AFF3: variants seen among roughly 807,000 people sequenced by gnomAD.
AFF3 encodes the protein ALF transcription elongation factor 3, also known as AF4/FMR2 family member 3.
In AFF3, 32 loss-of-function variants were observed where a neutral mutation model predicts 129.7. The ratio of observed to expected loss-of-function variants is 0.25; its 90% CI spans 0.19 to 0.33. The LOEUF is 0.33. Ranked by LOEUF, AFF3 falls within the 10% of genes least tolerant of loss-of-function variation. The pLI is 1.00. For synonymous variants in AFF3, 644 were observed against 635.4 expected (o/e 1.01, Z -0.20); for missense variants, 1,373 against 1,592.0 (o/e 0.86, Z 2.34).
At chr2:99,714,138 A>C (rs148655101) in intron 11 of AFF3, among the ~76,000 whole-genome samples, 1,544 of 152,266 alleles carry the variant, frequency 0.01, 30 homozygotes, top group African/African-American at 0.035. Flanking sequence ...CCTGTGTTTT[A>C]GTGTTTTATT....
chr2:99,683,036 C>A (rs1042822846), intron 11 of AFF3, among the ~76,000 whole-genome samples: 1 of 152,194 alleles, frequency 6.6e-6, no homozygotes, highest in African/African-American at 2.4e-5. Context: ...CTTCCCTGGC[C>A]CTCCTGATGG....
chr2:99,596,468 G>GCCTT (rs1679300182), intron 14 of AFF3, among the ~76,000 whole-genome samples: 1 of 152,206 alleles, frequency 6.6e-6, no homozygotes, highest in Non-Finnish European at 1.5e-5. Context: ...TCAAGTCAGT[G>GCCTT]CCTTCGCCTG....
chr2:99,785,587 T>C (rs1482618202), intron 8 of AFF3, among the ~76,000 whole-genome samples: 1 of 152,214 alleles, frequency 6.6e-6, no homozygotes, highest in Non-Finnish European at 1.5e-5. Flanking sequence ...CTTAGATTTC[T>C]TTTACTTAAA....
At chr2:100,090,345 A>G (rs1427004981) in intron 4 of AFF3, among the ~76,000 whole-genome samples, 1 of 152,182 alleles carries the variant, frequency 6.6e-6, no homozygotes, top group East Asian at 1.9e-4. Flanking sequence ...AGATGTGGCA[A>G]ACAGTTGTTA....
At chr2:99,648,892 C>CAT (rs1684943506) in intron 13 of AFF3, among the ~76,000 whole-genome samples, 1 of 75,152 alleles carries the variant, frequency 1.3e-5, no homozygotes, top group Non-Finnish European at 3.0e-5. Context: ...CGCGCACACA[C>CAT]ACACACACAC....
At chr2:100,068,954 T>G (rs1026789077) in intron 4 of AFF3, among the ~76,000 whole-genome samples, 4 of 152,166 alleles carry the variant, frequency 2.6e-5, no homozygotes, top group African/African-American at 9.7e-5. Flanking sequence ...CCAAACCTTG[T>G]ATTTTTTAAG....
At chr2:100,032,166 C>A (rs1449478740) in intron 4 of AFF3, among the ~76,000 whole-genome samples, 1 of 152,146 alleles carries the variant, frequency 6.6e-6, no homozygotes, top group African/African-American at 2.4e-5. Flanking sequence ...GTGGCTCACG[C>A]CTGTAATCCT....
intron 7 of AFF3, among the ~76,000 whole-genome samples, chr2:99,894,488 A>C (rs1169299423): frequency 6.9e-6 from 1 of 145,546 alleles, no homozygotes; most frequent in African/African-American, 2.5e-5. Flanking sequence ...TTTTTTTTTG[A>C]GACGGAGTCT....
intron 7 of AFF3, among the ~76,000 whole-genome samples, chr2:99,844,183 A>AT: frequency 6.6e-6 from 1 of 152,368 alleles, no homozygotes; most frequent in African/African-American, 2.4e-5. Context: ...ATAAAGCCAA[A>AT]TCAATGTACG....
intron 4 of AFF3, among the ~76,000 whole-genome samples, chr2:100,061,889 G>C (rs1309259623): frequency 1.3e-5 from 2 of 148,940 alleles, no homozygotes; most frequent in African/African-American, 4.9e-5. Flanking sequence ...CAAGTCCACT[G>C]ACAGAGGCTT....
At chr2:100,022,424 C>T (rs1027433870) in intron 4 of AFF3, among the ~76,000 whole-genome samples, 4 of 151,346 alleles carry the variant, frequency 2.6e-5, no homozygotes, top group Non-Finnish European at 5.9e-5. Context: ...ACTTTTTTTT[C>T]GGGGGAGACA....
chr2:99,676,949 G>C (rs987956120), intron 11 of AFF3, among the ~76,000 whole-genome samples: 15 of 152,138 alleles, frequency 9.9e-5, no homozygotes, highest in Non-Finnish European at 1.3e-4. Context: ...TGACAATGGG[G>C]AAGTTGAAAT....
chr2:99,904,788 G>A (rs779342531), intron 7 of AFF3, among the ~76,000 whole-genome samples: 7 of 152,082 alleles, frequency 4.6e-5, no homozygotes, highest in Non-Finnish European at 8.8e-5. Flanking sequence ...CCGTTCCATA[G>A]CCTGTCTCCT....
intron 8 of AFF3, among the ~76,000 whole-genome samples, chr2:99,831,175 A>T (rs959879583): frequency 1.3e-5 from 2 of 152,216 alleles, no homozygotes; most frequent in African/African-American, 4.8e-5. Context: ...TTTTCTCATC[A>T]ACCTTATAAC....
chr2:99,580,286 T>A (rs549128592), intron 17 of AFF3, among the ~76,000 whole-genome samples: 169 of 152,296 alleles, frequency 1.1e-3, no homozygotes, highest in African/African-American at 3.7e-3. Context: ...GCCCTTTTTT[T>A]AAAATAAAGT....
At chr2:99,756,466 C>G (rs947906683) in intron 8 of AFF3, among the ~76,000 whole-genome samples, 1 of 152,242 alleles carries the variant, frequency 6.6e-6, no homozygotes, top group Non-Finnish European at 1.5e-5. Context: ...TGTGGGTGTT[C>G]ATGCCTGACC....
intron 8 of AFF3, among the ~76,000 whole-genome samples, chr2:99,772,848 C>T (rs1429953825): frequency 6.6e-6 from 1 of 152,212 alleles, no homozygotes; most frequent in Non-Finnish European, 1.5e-5. Context: ...CCAGATTAAT[C>T]TTCCCCAAAT....
At chr2:100,035,289 C>A (rs1365692089) in intron 4 of AFF3, among the ~76,000 whole-genome samples, 1 of 152,194 alleles carries the variant, frequency 6.6e-6, no homozygotes, top group East Asian at 1.9e-4. Context: ...CTACATGGAG[C>A]CTTTTATTAT....
intron 7 of AFF3, among the ~76,000 whole-genome samples, chr2:99,880,579 G>A (rs774048928): frequency 1.8e-4 from 27 of 152,144 alleles, no homozygotes; most frequent in Non-Finnish European, 3.8e-4. Flanking sequence ...CCTCACACTA[G>A]GACCCCTGGC....
Sources: gnomAD v4.1 joint callset for allele counts (sites outside exome capture counted in the v4.1 genomes callset) on GRCh38, gnomAD v4.1.1 for gene constraint, MANE v1.5 for transcripts, NCBI Gene and HGNC (gene_info 2026-07-23, HGNC 2026-07-21) for gene names.